COL21A1: variants seen among roughly 807,000 people sequenced by gnomAD.
COL21A1 encodes collagen alpha-1(XXI) chain.
A neutral mutation model predicts 137.9 loss-of-function variants in COL21A1; 149 were observed. The ratio of observed to expected loss-of-function variants is 1.08; its 90% CI spans 0.95 to 1.24. The LOEUF is 1.24. COL21A1 is among the 50% of genes most tolerant of loss of function. The pLI, the probability that COL21A1 is intolerant of heterozygous loss-of-function variation, is 0.00. For missense variants in COL21A1, 1,167 were observed against 1,158.4 expected, an observed-to-expected ratio of 1.01 and a Z score of -0.11; for synonymous variants, 456 against 391.5, an observed-to-expected ratio of 1.16 and a Z score of -1.95.
At chr6:56,120,013 G>C (rs766901372) in intron 16 of COL21A1, among the ~76,000 whole-genome samples, 1 of 152,160 alleles carries the variant, frequency 6.6e-6, no homozygotes, top group Non-Finnish European at 1.5e-5. Flanking sequence ...GATTTCTTGA[G>C]CAATACCTTA....
At chr6:56,295,396 GCTT>G (rs1554180512) in intron 1 of COL21A1, among the ~76,000 whole-genome samples, 1 of 151,888 alleles carries the variant, frequency 6.6e-6, no homozygotes, top group Non-Finnish European at 1.5e-5. Context: ...TGCTGACTTT[GCTT>G]TTCTCCTTCA....
chr6:56,308,465 G>A (rs1217930658), intron 1 of COL21A1, among the ~76,000 whole-genome samples: 2 of 152,200 alleles, frequency 1.3e-5, no homozygotes, highest in Admixed American at 6.5e-5. Context: ...ACTAGGTGAC[G>A]TAAGCCAGTC....
At chr6:56,208,941 A>T (rs896072888) in intron 1 of COL21A1, among the ~76,000 whole-genome samples, 1 of 152,222 alleles carries the variant, frequency 6.6e-6, no homozygotes, top group African/African-American at 2.4e-5. Flanking sequence ...TCCTTATTTA[A>T]TAAATGGTGT....
chr6:56,268,195 C>T (rs1038523869), intron 1 of COL21A1, among the ~76,000 whole-genome samples: 6 of 152,132 alleles, frequency 3.9e-5, no homozygotes, highest in Non-Finnish European at 8.8e-5. Flanking sequence ...GTTCATGGGC[C>T]GACACAGGAG....
intron 1 of COL21A1, among the ~76,000 whole-genome samples, chr6:56,341,557 C>T (rs1765468415): frequency 6.6e-6 from 1 of 152,110 alleles, no homozygotes; most frequent in Non-Finnish European, 1.5e-5. Flanking sequence ...GTAAAAAGAT[C>T]AGTGGTGTCA....
Position 56,166,051 on chromosome 6 carries a change from A to ATTTTACT in COL21A1, c.1278+854_1278+855insAGTAAAA, listed in dbSNP as rs1561937132. Among the ~76,000 whole-genome samples the ATTTTACT allele has an allele frequency of 3.0e-3, 452 of 152,180 alleles. 2 individuals are homozygous for ATTTTACT. Among genetic ancestry groups the ATTTTACT allele is most frequent in the African/African-American group, 0.01 (429 of 41,532 alleles). On this transcript the variant is annotated intron_variant, in intron 7 of 29. Transcript: ENST00000244728. The stretch of plus-strand genomic sequence containing the variant: ...ACGCTGCTTATATTCTAGAACTATA[A>ATTTTACT]TAAATTTTTACTTAAATATCAACAA...
intron 1 of COL21A1, among the ~76,000 whole-genome samples, chr6:56,306,620 T>C (rs1459895801): frequency 2.0e-5 from 3 of 152,168 alleles, no homozygotes; most frequent in African/African-American, 7.2e-5. Context: ...ATTATTCTAG[T>C]TAGCCATTTA....
intron 22 of COL21A1, 64 bp from the exon 23 acceptor site, chr6:56,067,394 T>C (rs1206812366): frequency 1.4e-6 from 2 of 1,445,724 alleles, no homozygotes; most frequent in African/African-American, 1.4e-5. Context: ...CAAATAAACA[T>C]ATATTTTTCT....
chr6:56,176,481 TG>T (rs1337812591), intron 3 of COL21A1, among the ~76,000 whole-genome samples: 2 of 149,498 alleles, frequency 1.3e-5, no homozygotes, highest in African/African-American at 4.9e-5. Context: ...TCTCCAAAAA[TG>T]ACACACAAAT....
intron 1 of COL21A1, among the ~76,000 whole-genome samples, chr6:56,286,356 C>T (rs1408670331): frequency 2.0e-5 from 3 of 152,182 alleles, no homozygotes; most frequent in African/African-American, 4.8e-5. Context: ...CATACATACA[C>T]GCACACATAC....
chr6:56,265,860 G>A (rs1206526712), intron 1 of COL21A1, among the ~76,000 whole-genome samples: 2 of 152,078 alleles, frequency 1.3e-5, no homozygotes, highest in South Asian at 2.1e-4. Flanking sequence ...GATGCTACTT[G>A]GAGTCTTATA....
intron 1 of COL21A1, among the ~76,000 whole-genome samples, chr6:56,305,922 C>A (rs896177489): frequency 5.3e-5 from 8 of 151,568 alleles, no homozygotes; most frequent in African/African-American, 1.9e-4. Flanking sequence ...TCTTTTAGTG[C>A]AGGCCTGGTG....
intron 1 of COL21A1, among the ~76,000 whole-genome samples, chr6:56,270,218 G>A (rs1763492849): frequency 6.6e-6 from 1 of 152,108 alleles, no homozygotes; most frequent in Non-Finnish European, 1.5e-5. Context: ...TGTAAATAGA[G>A]AAAGATCTAC....
intron 1 of COL21A1, among the ~76,000 whole-genome samples, chr6:56,310,582 C>T (rs1431378167): frequency 6.6e-6 from 1 of 152,120 alleles, no homozygotes; most frequent in Non-Finnish European, 1.5e-5. Flanking sequence ...AGGACTATTA[C>T]TGACTCATAA....
At chr6:56,179,338 G>A (rs1777721804) in intron 3 of COL21A1, among the ~76,000 whole-genome samples, 1 of 151,872 alleles carries the variant, frequency 6.6e-6, no homozygotes, top group Non-Finnish European at 1.5e-5. Context: ...ACAAAATATT[G>A]TATTTTCCAT....
At chr6:56,315,925 T>C (rs1764720961) in intron 1 of COL21A1, among the ~76,000 whole-genome samples, 2 of 152,204 alleles carry the variant, frequency 1.3e-5, no homozygotes, top group African/African-American at 4.8e-5. Context: ...TTGACTGTAG[T>C]AATCACTTCA....
At chr6:56,078,249 C>T (rs749450824) in intron 17 of COL21A1, 11 of 455,194 alleles carry the variant, frequency 2.4e-5, no homozygotes, top group Non-Finnish European at 4.4e-5. Flanking sequence ...AAATTTAGCA[C>T]ATTTATTGCT....
intron 17 of COL21A1, among the ~76,000 whole-genome samples, chr6:56,084,167 C>T (rs1011356103): frequency 2.0e-5 from 3 of 151,420 alleles, no homozygotes; most frequent in Non-Finnish European, 4.4e-5. Flanking sequence ...AGTAGTCACA[C>T]TTATAGGGAT....
intron 16 of COL21A1, among the ~76,000 whole-genome samples, chr6:56,121,750 G>A (rs1225470764): frequency 6.6e-6 from 1 of 151,644 alleles, no homozygotes; most frequent in African/African-American, 2.4e-5. Flanking sequence ...AGTGGCAGGG[G>A]ATGTGTGGGA....
Sources: allele counts gnomAD v4.1 joint callset (sites outside exome capture counted in the v4.1 genomes callset), GRCh38; gene constraint gnomAD v4.1.1; transcripts MANE v1.5; gene names NCBI Gene and HGNC (gene_info 2026-07-23, HGNC 2026-07-21).